Variants in FUBP3 observed in about 807,000 individuals in gnomAD.
FUBP3 encodes far upstream element binding protein 3.
A neutral mutation model predicts 85.6 loss-of-function variants in FUBP3; 28 were observed. That is an observed-to-expected ratio of 0.33 (90% CI 0.24 to 0.45). The LOEUF (loss-of-function observed/expected upper bound fraction) is 0.45, where lower values mean the gene tolerates loss of function less well. Ranked by LOEUF, FUBP3 falls within the 20% of genes least tolerant of loss-of-function variation. The probability of loss-of-function intolerance (pLI) is 1.00; values close to 1 mark genes in which losing one functional copy is unlikely to be tolerated. For synonymous variants in FUBP3, 271 were observed against 271.4 expected (o/e 1.00, Z 0.01); for missense variants, 583 against 755.1 (o/e 0.77, Z 2.67).
Position 130,616,465 on chromosome 9 carries a change from C to G in FUBP3, c.515C>G (p.Ser172Cys), listed in dbSNP as rs756648598. 1.9e-6 allele frequency: 3 copies of G among 1,614,060 alleles called. No homozygotes were observed. Among genetic ancestry groups the G allele is most frequent in the Non-Finnish European group, 2.5e-6 (3 of 1,179,940 alleles). Residue 172 changes from serine to cysteine, a missense_variant, in exon 7 of 19, where the codon TCT (serine) becomes TGT (cysteine). By Grantham distance (112) the Ser-to-Cys change is moderately radical. Transcript: ENST00000319725. The surrounding 1 kb of genome is among the most constrained non-coding windows in gnomAD (Gnocchi z 4.7). The stretch of plus-strand genomic sequence containing the variant: ...ATCCAGGAGATTCTCATTCCCGCAT[C>G]TAAAGTGGGTCTGGTCATCGGCAGA... Reference protein sequence around the residue: ...STIQEILIPASKVGLVIGRGG... With the variant: ...STIQEILIPACKVGLVIGRGG...
chr9:130,625,193 G>A (rs1829920968), intron 11 of FUBP3, among the ~76,000 whole-genome samples: 1 of 152,238 alleles, frequency 6.6e-6, no homozygotes, highest in South Asian at 2.1e-4. Context: ...TGGGCAACAA[G>A]AGCAAAACTC....
chr9:130,636,109 G>C lies in FUBP3; in HGVS notation c.1693G>C (p.Ala565Pro). 6.2e-7 allele frequency: 1 copy of C among 1,613,492 alleles called. No individual in the cohort carries two copies. The highest frequency in any genetic ancestry group is 8.5e-7 in the Non-Finnish European group (1 of 1,179,930). Reference sequence around the variant, plus strand: ...TTTCTACGGACAGACGTTAGGGCAGGCGCAGGCCCACAGCCAGGTCTGTAG... The same window carrying C: ...TTTCTACGGACAGACGTTAGGGCAGCCGCAGGCCCACAGCCAGGTCTGTAG... ...VAFYGQTLGQ[A>P]QAHSQEQ Residue 565 changes from alanine to proline, a missense_variant, in exon 18 of 19, where the codon GCG becomes CCG. Ala to Pro is a conservative substitution (Grantham distance 27). Transcript: ENST00000319725.
chr9:130,636,987 C>CT (rs1398773805), intron 18 of FUBP3, 27 bp from the exon 19 acceptor site: 1 of 1,609,846 alleles, frequency 6.2e-7, no homozygotes, highest in Non-Finnish European at 8.5e-7. Flanking sequence ...CCATCACAGA[C>CT]TAATTCCTCT....
At chr9:130,586,273 G>A (rs906690544) in intron 1 of FUBP3, among the ~76,000 whole-genome samples, 1 of 152,214 alleles carries the variant, frequency 6.6e-6, no homozygotes, top group East Asian at 1.9e-4. Context: ...TGAGTCCAAG[G>A]CCCCTTGCTG....
chr9:130,620,102 T>A (rs1429362073), intron 8 of FUBP3, among the ~76,000 whole-genome samples: 1 of 152,206 alleles, frequency 6.6e-6, no homozygotes, highest in Non-Finnish European at 1.5e-5. Context: ...CACGCAGATG[T>A]GCTCACCCAA....
At chr9:130,631,867 C>A in intron 14 of FUBP3, 75 bp from the exon 15 acceptor site, 11 of 1,138,734 alleles carry the variant, frequency 9.7e-6, no homozygotes, top group Non-Finnish European at 1.5e-5. Flanking sequence ...CCCCTCAGTG[C>A]CCTGGGGCTG....
At chr9:130,624,705 G>C (rs1205393989) in intron 11 of FUBP3, among the ~76,000 whole-genome samples, 1 of 151,568 alleles carries the variant, frequency 6.6e-6, no homozygotes, top group Non-Finnish European at 1.5e-5. Flanking sequence ...GGTGGCCCAA[G>C]ACAGTTCTTC....
At position 130,637,074 on chromosome 9, in the gene FUBP3, C is replaced by T. The variant is rs1830447119; in HGVS notation, c.*52C>T. 6.8e-7 allele frequency: 1 copy of T among 1,481,256 alleles called. No homozygotes were observed. Among genetic ancestry groups the T allele is most frequent in the African/African-American group, 1.4e-5 (1 of 72,348 alleles). The allele number at this position is 1,481,256 out of a possible 1,614,324, so 91.8% of individuals were successfully genotyped here. A position where few individuals can be genotyped will look rare whatever the true frequency, so the allele number is the denominator to read the frequency against. ...CCTCAAAATCATTGTCAAAGAAAAC[C>T]TATTTGTAACAGAGGTTTTTACATT... On this transcript the variant is annotated 3_prime_UTR_variant, in exon 19 of 19. Transcript: ENST00000319725.
At position 130,621,415 on chromosome 9, in the gene FUBP3, C is replaced by T. The variant is rs1161505817; in HGVS notation, c.771+957C>T. ...GGCTAAGGAGGGAGGCTCACTCCTC[C>T]CAGGAGATCGAGGCTGTAGTGTGCT... On this transcript the variant is annotated intron_variant, in intron 9 of 18. Transcript: ENST00000319725. 3.9e-5 allele frequency among the ~76,000 whole-genome samples: 6 copies of T among 152,182 alleles called. No individual in the cohort carries two copies. In the East Asian group the frequency reaches 9.6e-4, roughly 24 times the overall value.
intron 1 of FUBP3, among the ~76,000 whole-genome samples, chr9:130,580,059 G>C (rs1010575902): frequency 6.6e-6 from 1 of 152,256 alleles, no homozygotes; most frequent in Non-Finnish European, 1.5e-5. Context: ...CCACAGTGTA[G>C]CTAGCGCGGG....
At chr9:130,630,957 G>A (rs562206505) in intron 13 of FUBP3, among the ~76,000 whole-genome samples, 169 bp downstream of exon 13, 14 of 152,266 alleles carry the variant, frequency 9.2e-5, no homozygotes, top group African/African-American at 2.9e-4. Context: ...GGAGACCCAG[G>A]GAGTGCCAGA....
chr9:130,583,710 A>T (rs1830225088), intron 1 of FUBP3, among the ~76,000 whole-genome samples: 1 of 152,096 alleles, frequency 6.6e-6, no homozygotes, highest in Admixed American at 6.6e-5. Flanking sequence ...TACCTGGCGG[A>T]GTGAGTCTTC....
intron 2 of FUBP3, among the ~76,000 whole-genome samples, chr9:130,604,428 T>C (rs1831317226): frequency 6.6e-6 from 1 of 152,214 alleles, no homozygotes; most frequent in African/African-American, 2.4e-5. Context: ...ACATGTGGAC[T>C]TCAGAGTCTG....
intron 5 of FUBP3, among the ~76,000 whole-genome samples, 192 bp downstream of exon 5, chr9:130,613,219 A>G (rs1382615884): frequency 1.3e-5 from 2 of 152,240 alleles, no homozygotes; most frequent in Non-Finnish European, 2.9e-5. Context: ...AAGGCCTCCT[A>G]TCTGGCTTCT....
intron 12 of FUBP3, among the ~76,000 whole-genome samples, chr9:130,626,905 T>C (rs533446112): frequency 1.5e-4 from 23 of 152,294 alleles, no homozygotes; most frequent in African/African-American, 5.3e-4. Context: ...TTCTCGACAG[T>C]GTGTCACTTG....
At position 130,622,058 on chromosome 9, in the gene FUBP3, C is replaced by T. The variant is rs148711741; in HGVS notation, c.772-650C>T. 4.4e-3 allele frequency among the ~76,000 whole-genome samples: 671 copies of T among 151,982 alleles called. 6 individuals carry two copies. The highest frequency in any genetic ancestry group is 0.015 in the African/African-American group (626 of 41,444). On this transcript the variant is annotated intron_variant, in intron 9 of 18. Transcript: ENST00000319725. ...GTGTCCTGGGCCGGGCGTGGTGGCT[C>T]GCGCCCATAATCCCAGCACTTTGGG...
At chr9:130,601,091 A>G (rs1377649215) in intron 2 of FUBP3, among the ~76,000 whole-genome samples, 3 of 152,238 alleles carry the variant, frequency 2.0e-5, no homozygotes, top group Non-Finnish European at 4.4e-5. Flanking sequence ...AGCCAATAAG[A>G]TATTTCACCG....
At chr9:130,613,214 C>T (rs1831839500) in intron 5 of FUBP3, among the ~76,000 whole-genome samples, 187 bp downstream of exon 5, 1 of 152,228 alleles carries the variant, frequency 6.6e-6, no homozygotes, top group Non-Finnish European at 1.5e-5. Flanking sequence ...GAGATAAGGC[C>T]TCCTATCTGG....
intron 12 of FUBP3, among the ~76,000 whole-genome samples, chr9:130,628,093 C>CTCAT (rs1554745906): frequency 3.0e-4 from 40 of 132,782 alleles, no homozygotes; most frequent in African/African-American, 1.1e-3. Context: ...CACGCACGCA[C>CTCAT]GCACGCACGC....
Sources: allele counts gnomAD v4.1 joint callset (sites outside exome capture counted in the v4.1 genomes callset), GRCh38; gene constraint gnomAD v4.1.1; non-coding constraint Gnocchi (gnomAD v3.1); transcripts MANE v1.5; gene names NCBI Gene and HGNC (gene_info 2026-07-23, HGNC 2026-07-21).